The following PDE1C variants were observed in gnomAD, a reference collection of about 807,000 sequenced individuals.
PDE1C encodes the protein phosphodiesterase 1C.
In PDE1C, 62 loss-of-function variants were observed where a neutral mutation model predicts 93.1. The ratio of observed to expected loss-of-function variants is 0.67; its 90% CI spans 0.54 to 0.82. The LOEUF (loss-of-function observed/expected upper bound fraction) is 0.82, where lower values mean the gene tolerates loss of function less well. PDE1C is among the 40% of genes least tolerant of loss of function. The pLI, the probability that PDE1C is intolerant of heterozygous loss-of-function variation, is 0.00. For synonymous variants in PDE1C, 325 were observed against 310.1 expected (o/e 1.05, Z -0.50); for missense variants, 742 against 884.6 (o/e 0.84, Z 2.04).
intron 17 of PDE1C, among the ~76,000 whole-genome samples, chr7:31,772,033 G>C (rs1217775617): frequency 6.8e-6 from 1 of 146,248 alleles, no homozygotes; most frequent in African/African-American, 2.6e-5. Context: ...GCGAAAGAGC[G>C]GGACTCCGTC....
intron 1 of PDE1C, among the ~76,000 whole-genome samples, chr7:32,335,284 C>T (rs554233694): frequency 9.2e-5 from 14 of 152,308 alleles, no homozygotes; most frequent in Admixed American, 5.9e-4. Context: ...TCCAACCACT[C>T]ACATCCTCTG....
At chr7:32,246,203 G>A (rs544558591) in intron 1 of PDE1C, among the ~76,000 whole-genome samples, 4 of 151,856 alleles carry the variant, frequency 2.6e-5, no homozygotes, top group South Asian at 2.1e-4. Flanking sequence ...TCCTGGGCTC[G>A]AGCAATCCTC....
intron 2 of PDE1C, among the ~76,000 whole-genome samples, chr7:32,001,751 A>T (rs919595406): frequency 6.6e-6 from 1 of 152,226 alleles, no homozygotes; most frequent in Admixed American, 6.5e-5. Context: ...TCCAAGGCAG[A>T]ACTTCCCATC....
the PDE1C span, chr7:31,653,263 T>C: frequency 1.2e-5 from 2 of 169,838 alleles, no homozygotes; most frequent in Admixed American, 1.1e-4. Context: ...GAAAGGGTGC[T>C]AATGGGGAAA....
intron 2 of PDE1C, among the ~76,000 whole-genome samples, chr7:32,197,556 A>G (rs970871564): frequency 6.6e-6 from 1 of 152,216 alleles, no homozygotes; most frequent in African/African-American, 2.4e-5. Flanking sequence ...CCAAATGTCC[A>G]TTGACTGAGG....
chr7:31,652,837 C>A, the PDE1C span: 1 of 1,606,042 alleles, frequency 6.2e-7, no homozygotes, highest in Non-Finnish European at 8.5e-7. Flanking sequence ...TAGATCAGAG[C>A]AGGTTTGTTA....
chr7:32,395,890 T>A (rs1261002921), intron 1 of PDE1C, among the ~76,000 whole-genome samples: 2 of 152,234 alleles, frequency 1.3e-5, no homozygotes, highest in East Asian at 3.8e-4. Context: ...TTACTTTCTT[T>A]ACTTTTTCTT....
chr7:31,706,550 T>C, the PDE1C span, among the ~76,000 whole-genome samples: 1 of 152,186 alleles, frequency 6.6e-6, no homozygotes, highest in Non-Finnish European at 1.5e-5. Context: ...CTCTGAACCA[T>C]GTGAACGTCA....
the PDE1C span, chr7:31,692,488 G>T: frequency 6.2e-7 from 1 of 1,611,720 alleles, no homozygotes; most frequent in Non-Finnish European, 8.5e-7. Flanking sequence ...TCAGAAGACA[G>T]ACTGGACAAG....
chr7:31,661,042 G>A, the PDE1C span, among the ~76,000 whole-genome samples: 40 of 152,172 alleles, frequency 2.6e-4, no homozygotes, highest in East Asian at 6.0e-3. Context: ...TTTGTTGAAC[G>A]GGGTAGAGAT....
At chr7:31,740,140 A>AGGGCTTT in the PDE1C span, among the ~76,000 whole-genome samples, 600 of 152,286 alleles carry the variant, frequency 3.9e-3, 2 homozygotes, top group African/African-American at 0.014. Context: ...AAGGGCTAGA[A>AGGGCTTT]TGTGGCATTT....
intron 1 of PDE1C, among the ~76,000 whole-genome samples, chr7:32,416,312 T>C (rs1244850078): frequency 6.6e-6 from 1 of 152,014 alleles, no homozygotes; most frequent in Non-Finnish European, 1.5e-5. Context: ...TATTCAAGGA[T>C]AAGGATGAGA....
chr7:32,093,713 A>G lies in PDE1C; in HGVS notation c.308+76072T>C, dbSNP rs375983118. Among the ~76,000 whole-genome samples, 14 of 152,350 alleles carry G rather than the reference A, an allele frequency of 9.2e-5. 4 individuals carry two copies. On this transcript the variant is annotated intron_variant, in intron 3 of 18. Coordinates refer to the PDE1C transcript ENST00000396193. ...GGAGTCTCATTGGCATGGTTCAAAGAAACTAGTTGCAAAAAATAAGCCAAA... is the reference window on the plus strand; with the variant it reads ...GGAGTCTCATTGGCATGGTTCAAAGGAACTAGTTGCAAAAAATAAGCCAAA...
chr7:31,740,941 T>C, the PDE1C span, among the ~76,000 whole-genome samples: 119,005 of 151,752 alleles, frequency 0.78, 47,801 homozygotes, highest in Non-Finnish European at 0.88. Flanking sequence ...TGATGGTACA[T>C]GCCTGTAGTC....
intron 6 of PDE1C, among the ~76,000 whole-genome samples, chr7:31,871,569 T>C (rs1019368249): frequency 6.6e-6 from 1 of 151,542 alleles, no homozygotes; most frequent in Non-Finnish European, 1.5e-5. Flanking sequence ...ATTTCTCAAA[T>C]GAAGACATAT....
intron 1 of PDE1C, among the ~76,000 whole-genome samples, chr7:32,338,530 T>C (rs1783673880): frequency 6.6e-6 from 1 of 152,172 alleles, no homozygotes; most frequent in Non-Finnish European, 1.5e-5. Context: ...TCTTGTATAT[T>C]CTTGGTAGGA....
intron 6 of PDE1C, among the ~76,000 whole-genome samples, chr7:31,872,070 G>A (rs1796012253): frequency 6.6e-6 from 1 of 152,066 alleles, no homozygotes; most frequent in African/African-American, 2.4e-5. Context: ...CATGTCATTT[G>A]CAGCAACATG....
chr7:31,695,517 C>G, the PDE1C span: 1 of 1,613,314 alleles, frequency 6.2e-7, no homozygotes, highest in South Asian at 1.1e-5. Context: ...AAAAAGAAGC[C>G]TAGAAAGGGA....
At chr7:32,214,475 AG>A (rs1806280691) in intron 1 of PDE1C, among the ~76,000 whole-genome samples, 1 of 152,276 alleles carries the variant, frequency 6.6e-6, no homozygotes, top group South Asian at 2.1e-4. Flanking sequence ...CAGGGCCTCT[AG>A]GGGTAGGACT....
Sources: allele counts gnomAD v4.1 joint callset (sites outside exome capture counted in the v4.1 genomes callset), GRCh38; gene constraint gnomAD v4.1.1; transcripts MANE v1.5; gene names NCBI Gene and HGNC (gene_info 2026-07-23, HGNC 2026-07-21).